COP1: variants seen among roughly 807,000 people sequenced by gnomAD.
The protein encoded by COP1 is E3 ubiquitin-protein ligase COP1.
A neutral mutation model predicts 101.3 loss-of-function variants in COP1; 24 were observed. The observed-to-expected ratio is 0.24, with a 90% CI of 0.17 to 0.33. COP1 has a LOEUF of 0.33. COP1 is among the 10% of genes least tolerant of loss of function. The probability of loss-of-function intolerance (pLI) is 1.00; values close to 1 mark genes in which losing one functional copy is unlikely to be tolerated. For synonymous variants in COP1, 347 were observed against 341.9 expected, an observed-to-expected ratio of 1.01 and a Z score of -0.17; for missense variants, 663 against 906.2, an observed-to-expected ratio of 0.73 and a Z score of 3.45.
At chr1:176,023,579 G>T (rs1667147567) in intron 15 of COP1, among the ~76,000 whole-genome samples, 1 of 151,938 alleles carries the variant, frequency 6.6e-6, no homozygotes. Flanking sequence ...TTAGCTGGGA[G>T]TGGTGGCATA....
chr1:176,110,452 G>C (rs532970277), intron 9 of COP1, among the ~76,000 whole-genome samples: 1 of 152,190 alleles, frequency 6.6e-6, no homozygotes, highest in African/African-American at 2.4e-5. Context: ...CTCTGCCTAG[G>C]AAGTTTTCCC....
At chr1:175,966,701 T>C (rs1411289275) in intron 18 of COP1, among the ~76,000 whole-genome samples, 8 of 152,238 alleles carry the variant, frequency 5.3e-5, no homozygotes, top group Non-Finnish European at 1.0e-4. Context: ...TCAGTTCTCA[T>C]ACATTATAAA....
intron 11 of COP1, among the ~76,000 whole-genome samples, chr1:176,080,397 T>C (rs1553254112): frequency 6.6e-6 from 1 of 151,878 alleles, no homozygotes; most frequent in Non-Finnish European, 1.5e-5. Flanking sequence ...CCTCAAAAAG[T>C]AGAAGAATAA....
At chr1:176,058,122 G>T (rs1558020831) in intron 11 of COP1, among the ~76,000 whole-genome samples, 5 of 90,770 alleles carry the variant, frequency 5.5e-5, no homozygotes, top group Admixed American at 1.3e-4. Context: ...ACCCCGTCGG[G>T]AGGGAGGTGG....
chr1:176,199,907 A>T (rs545070448), intron 1 of COP1, among the ~76,000 whole-genome samples: 3 of 152,202 alleles, frequency 2.0e-5, no homozygotes, highest in Non-Finnish European at 4.4e-5. Context: ...CCAGTGACTT[A>T]TTTTATGCAA....
At chr1:176,054,853 C>T (rs1179146172) in intron 11 of COP1, among the ~76,000 whole-genome samples, 2 of 152,102 alleles carry the variant, frequency 1.3e-5, no homozygotes, top group African/African-American at 2.4e-5. Context: ...TTCCTAATAC[C>T]ATAACTTTAC....
At chr1:175,949,168 C>CAAAAAAAAAAA (rs56280543) in intron 18 of COP1, among the ~76,000 whole-genome samples, 833 of 43,092 alleles carry the variant, frequency 0.019, 147 homozygotes, top group Non-Finnish European at 0.023. Context: ...GGCTCCGTCT[C>CAAAAAAAAAAA]AAAAAAAAAA....
chr1:176,138,971 T>C (rs1690218741), intron 6 of COP1, among the ~76,000 whole-genome samples: 3 of 152,120 alleles, frequency 2.0e-5, no homozygotes. Flanking sequence ...CTTTACTATA[T>C]ATAAGAGGTC....
rs770416080 is a variant in COP1, at chr1:176,176,016, A to AG, written c.468-10dup. On this transcript the variant is annotated splice_polypyrimidine_tract_variant and intron_variant, in intron 2 of 19. Transcript: ENST00000367669. Reference sequence around the variant, plus strand: ...GATGAATACACTTGTAGCTATTAGTAGGGGGGGAAAAAAAAGGCTTAATTA... The same window carrying AG: ...GATGAATACACTTGTAGCTATTAGTAGGGGGGGGAAAAAAAAGGCTTAATTA... The AG allele has an allele frequency of 1.9e-4, 260 of 1,354,166 alleles. No individual in the cohort carries two copies. The highest frequency in any genetic ancestry group is 2.3e-4 in the Non-Finnish European group (219 of 962,566). The allele number at this position is 1,354,166 out of a possible 1,614,324, so 83.9% of individuals were successfully genotyped here.
chr1:176,119,990 C>T (rs1459609141), intron 8 of COP1, among the ~76,000 whole-genome samples: 3 of 152,136 alleles, frequency 2.0e-5, no homozygotes, highest in Non-Finnish European at 2.9e-5. Flanking sequence ...TCCACAAGAA[C>T]GACCACGCTA....
intron 11 of COP1, among the ~76,000 whole-genome samples, chr1:176,061,416 C>A (rs555694795): frequency 6.6e-6 from 1 of 152,192 alleles, no homozygotes; most frequent in African/African-American, 2.4e-5. Flanking sequence ...CACCTGAGGT[C>A]AGGAGTTCGA....
At chr1:176,041,090 AT>A (rs1670438885) in intron 14 of COP1, among the ~76,000 whole-genome samples, 1 of 152,202 alleles carries the variant, frequency 6.6e-6, no homozygotes, top group Admixed American at 6.5e-5. Context: ...TTGATATATG[AT>A]GAACTTCGTT....
chr1:175,951,113 G>T (rs1649834218), intron 18 of COP1, among the ~76,000 whole-genome samples: 1 of 152,038 alleles, frequency 6.6e-6, no homozygotes, highest in Non-Finnish European at 1.5e-5. Context: ...GCCAGGCGTG[G>T]TGGCACATGC....
chr1:176,175,472 A>T (rs1056367885), intron 3 of COP1, among the ~76,000 whole-genome samples: 1 of 152,206 alleles, frequency 6.6e-6, no homozygotes. Context: ...TCAGATTCTC[A>T]TAAGGAGCGT....
intron 9 of COP1, among the ~76,000 whole-genome samples, chr1:176,099,360 CTG>C (rs1300615952): frequency 6.6e-6 from 1 of 152,140 alleles, no homozygotes; most frequent in African/African-American, 2.4e-5. Flanking sequence ...TCACCAAAAA[CTG>C]AGGTAATCTT....
At chr1:176,162,547 T>C (rs948146319) in intron 5 of COP1, among the ~76,000 whole-genome samples, 1 of 152,160 alleles carries the variant, frequency 6.6e-6, no homozygotes, top group African/African-American at 2.4e-5. Context: ...GGGGACAATA[T>C]GGTAAGAAAG....
chr1:175,976,328 A>C (rs1217285801), intron 18 of COP1, among the ~76,000 whole-genome samples: 3 of 113,806 alleles, frequency 2.6e-5, no homozygotes, highest in Non-Finnish European at 5.0e-5. Flanking sequence ...CCCAGGCTGG[A>C]ATGTGGTGGT....
chr1:175,967,862 A>G (rs758259041), intron 18 of COP1, among the ~76,000 whole-genome samples: 11 of 151,934 alleles, frequency 7.2e-5, no homozygotes, highest in Non-Finnish European at 1.3e-4. Context: ...TAGAAGAATA[A>G]TATTTCTTTT....
At chr1:175,980,278 A>G (rs1337424274) in intron 18 of COP1, among the ~76,000 whole-genome samples, 1 of 121,286 alleles carries the variant, frequency 8.2e-6, no homozygotes, top group East Asian at 2.0e-4. Flanking sequence ...ATGAACACAA[A>G]TACAATACAA....
Sources: allele counts gnomAD v4.1 joint callset (sites outside exome capture counted in the v4.1 genomes callset), GRCh38; gene constraint gnomAD v4.1.1; transcripts MANE v1.5; gene names NCBI Gene and HGNC (gene_info 2026-07-23, HGNC 2026-07-21).